Variants in ADAMTSL1 observed in about 807,000 individuals in gnomAD.
ADAMTSL1 encodes the protein ADAMTS-like protein 1.
In ADAMTSL1, 126 loss-of-function variants were observed where a neutral mutation model predicts 201.8. That is an observed-to-expected ratio of 0.62 (90% confidence interval 0.54 to 0.72). The LOEUF is 0.72. Among genes scored for constraint, ADAMTSL1 ranks in the 30% least tolerant of loss-of-function variants. The pLI is 0.00. For synonymous variants in ADAMTSL1, 1,121 were observed against 903.4 expected (o/e 1.24, Z -4.32); for missense variants, 2,679 against 2,277.8 (o/e 1.18, Z -3.59).
At chr9:18,282,840 T>G (rs187473112) in intron 2 of ADAMTSL1, among the ~76,000 whole-genome samples, 7 of 152,312 alleles carry the variant, frequency 4.6e-5, no homozygotes, top group Admixed American at 3.9e-4. Flanking sequence ...GAGTTTGCAG[T>G]GAGCCAAGAT....
chr9:18,810,536 AG>A (rs1171737894), intron 20 of ADAMTSL1, among the ~76,000 whole-genome samples: 4 of 152,236 alleles, frequency 2.6e-5, no homozygotes, highest in African/African-American at 9.6e-5. Flanking sequence ...ATGAAAGCAG[AG>A]AAGAGTGAAT....
chr9:18,786,888 G>C (rs1051101531), intron 19 of ADAMTSL1, among the ~76,000 whole-genome samples: 1 of 152,192 alleles, frequency 6.6e-6, no homozygotes, highest in Non-Finnish European at 1.5e-5. Flanking sequence ...GTTTTGTACA[G>C]TGTTCCAAAG....
intron 1 of ADAMTSL1, among the ~76,000 whole-genome samples, chr9:17,968,156 G>C (rs1397336059): frequency 2.6e-5 from 4 of 152,092 alleles, no homozygotes; most frequent in African/African-American, 9.7e-5. Context: ...AGACCTTAGT[G>C]TGTACTGCTA....
chr9:18,155,824 TG>T (rs1461718337), intron 1 of ADAMTSL1, among the ~76,000 whole-genome samples: 2 of 152,012 alleles, frequency 1.3e-5, no homozygotes, highest in East Asian at 3.9e-4. Flanking sequence ...CAATAGTACT[TG>T]GGTCAAAAGA....
chr9:18,792,422 A>G (rs935963283), intron 19 of ADAMTSL1, among the ~76,000 whole-genome samples: 13 of 152,228 alleles, frequency 8.5e-5, no homozygotes, highest in African/African-American at 3.1e-4. Context: ...AAAGTTCAGA[A>G]GAACTATCTT....
At chr9:18,458,311 C>A (rs921006593) in intron 2 of ADAMTSL1, among the ~76,000 whole-genome samples, 2 of 152,150 alleles carry the variant, frequency 1.3e-5, no homozygotes, top group Non-Finnish European at 2.9e-5. Flanking sequence ...AAAAGTTTCA[C>A]CAAACAATAC....
chr9:18,114,441 C>G lies in ADAMTSL1; in HGVS notation c.88-49421C>G, dbSNP rs185090856. Among the ~76,000 whole-genome samples the G allele has an allele frequency of 2.0e-3, 300 of 152,092 alleles. 1 individual carries two copies. Among genetic ancestry groups the G allele is most frequent in the African/African-American group, 6.9e-3 (285 of 41,490 alleles). On this transcript the variant is annotated intron_variant, in intron 1 of 29. Coordinates refer to the ADAMTSL1 transcript ENST00000680146. ...TTTCTGAAGGCTGTAGGTATGTATT[C>G]TGATATCAGAACGGACAAGGCTTAG...
At chr9:18,889,435 C>G in intron 24 of ADAMTSL1, 133 bp from the exon 25 acceptor site, 1 of 973,736 alleles carries the variant, frequency 1.0e-6, no homozygotes, top group South Asian at 1.8e-5. Flanking sequence ...AGCAGGGCCT[C>G]ATTTATAATA....
chr9:18,641,853 G>C (rs1391667656), intron 7 of ADAMTSL1, among the ~76,000 whole-genome samples: 1 of 151,706 alleles, frequency 6.6e-6, no homozygotes, highest in East Asian at 1.9e-4. Context: ...TATGAATTAA[G>C]CTTTCAGTAG....
intron 2 of ADAMTSL1, among the ~76,000 whole-genome samples, chr9:18,280,391 C>G (rs1020134761): frequency 6.9e-6 from 1 of 144,248 alleles, no homozygotes; most frequent in African/African-American, 2.6e-5. Flanking sequence ...TTTTAATCAG[C>G]TTGTTTATCT....
At chr9:18,044,497 A>G (rs921370204) in intron 1 of ADAMTSL1, among the ~76,000 whole-genome samples, 4 of 152,138 alleles carry the variant, frequency 2.6e-5, no homozygotes, top group Admixed American at 6.5e-5. Context: ...GATTTGGTGT[A>G]GGGACTTGTA....
chr9:18,137,004 G>C lies in ADAMTSL1; in HGVS notation c.88-26858G>C, dbSNP rs1343187575. ...GAGGCAGGGTGTCTGAGTATCATGG[G>C]AAGGGAAGGGAAAGAGTTGAAGCAA... On this transcript the variant is annotated intron_variant, in intron 1 of 29. Coordinates refer to the ADAMTSL1 transcript ENST00000680146. Among the ~76,000 whole-genome samples, 3 of 152,178 alleles carry C rather than the reference G, an allele frequency of 2.0e-5. No homozygotes were observed. In the East Asian group the frequency reaches 5.8e-4, roughly 29 times the overall value.
chr9:18,287,381 A>T (rs553396127), intron 2 of ADAMTSL1, among the ~76,000 whole-genome samples: 6 of 152,082 alleles, frequency 3.9e-5, no homozygotes, highest in African/African-American at 1.4e-4. Context: ...ATACATGTAT[A>T]TATGTGTGTA....
In ADAMTSL1 at chr9:18,201,402, A is replaced by G. The variant is rs183778266; in HGVS notation, c.207+37421A>G. ...CTAAATTTCTTTTTTATCATTATTC[A>G]CTTATTTAGTTACTTTCATATAGTT... On this transcript the variant is annotated intron_variant, in intron 2 of 29. Transcript: ENST00000680146. Among the ~76,000 whole-genome samples the G allele has an allele frequency of 9.9e-5, 15 of 152,176 alleles. No homozygotes were observed. In the East Asian group the frequency reaches 2.9e-3, roughly 29 times the overall value.
intron 2 of ADAMTSL1, among the ~76,000 whole-genome samples, chr9:18,183,804 A>T (rs1828609192): frequency 6.6e-6 from 1 of 152,220 alleles, no homozygotes; most frequent in African/African-American, 2.4e-5. Context: ...CATTGGACGT[A>T]ACTTTACTAT....
chr9:18,076,411 A>G (rs771217907), intron 1 of ADAMTSL1, among the ~76,000 whole-genome samples: 1 of 152,210 alleles, frequency 6.6e-6, no homozygotes, highest in Non-Finnish European at 1.5e-5. Flanking sequence ...AAACTTGTGG[A>G]AAAAGATCAG....
At chr9:18,343,408 C>T (rs1034642774) in intron 2 of ADAMTSL1, among the ~76,000 whole-genome samples, 2 of 152,014 alleles carry the variant, frequency 1.3e-5, no homozygotes, top group African/African-American at 2.4e-5. Context: ...TGATCTGGAC[C>T]CCACCAGTGA....
At chr9:18,753,534 G>A (rs1382166754) in intron 16 of ADAMTSL1, 26 bp downstream of exon 16, 1 of 1,591,580 alleles carries the variant, frequency 6.3e-7, no homozygotes, top group African/African-American at 1.3e-5. Flanking sequence ...ACTCAATATT[G>A]GAGCTTTTGT....
intron 26 of ADAMTSL1, among the ~76,000 whole-genome samples, chr9:18,895,583 G>A (rs915727585): frequency 6.6e-6 from 1 of 152,156 alleles, no homozygotes; most frequent in African/African-American, 2.4e-5. Context: ...AAGTCCCAAG[G>A]ACAGCCTTGA....
Sources: allele counts gnomAD v4.1 joint callset (sites outside exome capture counted in the v4.1 genomes callset), GRCh38; gene constraint gnomAD v4.1.1; transcripts MANE v1.5; gene names NCBI Gene and HGNC (gene_info 2026-07-23, HGNC 2026-07-21).